The following TANC2 variants were observed in gnomAD, a reference collection of about 807,000 sequenced individuals.
TANC2 encodes the protein protein TANC2.
TANC2 carries 26 observed loss-of-function variants against 210.5 expected under a neutral mutation model. The ratio of observed to expected loss-of-function variants is 0.12; its 90% CI spans 0.09 to 0.17. The LOEUF is 0.17. Ranked by LOEUF, TANC2 falls within the 10% of genes least tolerant of loss-of-function variation. The pLI, the probability that TANC2 is intolerant of heterozygous loss-of-function variation, is 1.00. For synonymous variants in TANC2, 931 were observed against 967.1 expected (o/e 0.96, Z 0.69); for missense variants, 2,129 against 2,608.9 (o/e 0.82, Z 4.01).
Position 63,114,554 on chromosome 17 carries a change from T to C in TANC2, c.322+15197T>C, listed in dbSNP as rs183026447. ...TTGCTAGGAAAGACACAACCCCGCG[T>C]AGAAAGTTGGCCAAAGCTTGAATTG... is the stretch of plus-strand genomic sequence containing the variant. On this transcript the variant is annotated intron_variant, in intron 4 of 27. Transcript: ENST00000689528. 2.1e-3 allele frequency among the ~76,000 whole-genome samples: 324 copies of C among 152,310 alleles called. 1 individual carries two copies. Among genetic ancestry groups the C allele is most frequent in the African/African-American group, 7.0e-3 (291 of 41,560 alleles).
chr17:63,024,506 T>G (rs182282004), intron 2 of TANC2, among the ~76,000 whole-genome samples: 194 of 152,310 alleles, frequency 1.3e-3, no homozygotes, highest in African/African-American at 4.5e-3. Flanking sequence ...CCCTGTTTTG[T>G]CAGCATGGTC....
intron 9 of TANC2, among the ~76,000 whole-genome samples, chr17:63,272,763 T>G (rs1222663859): frequency 6.6e-6 from 1 of 152,146 alleles, no homozygotes; most frequent in Non-Finnish European, 1.5e-5. Context: ...TGGTAGTTAA[T>G]GCTTATATAC....
intron 5 of TANC2, chr17:63,154,859 C>G (rs970811371): frequency 3.3e-5 from 5 of 152,042 alleles, no homozygotes; most frequent in Non-Finnish European, 7.4e-5. Flanking sequence ...ATTCCACAGT[C>G]TCCTGTCACA....
intron 4 of TANC2, among the ~76,000 whole-genome samples, chr17:63,125,890 G>A (rs992007782): frequency 3.9e-5 from 6 of 152,134 alleles, no homozygotes; most frequent in Non-Finnish European, 5.9e-5. Flanking sequence ...ATAATGTAGC[G>A]TAAGCTTATC....
intron 14 of TANC2, among the ~76,000 whole-genome samples, chr17:63,355,997 A>C (rs1020811085): frequency 6.6e-6 from 1 of 152,166 alleles, no homozygotes; most frequent in Non-Finnish European, 1.5e-5. Flanking sequence ...TGCTGGATCA[A>C]CTTGCACAAA....
At chr17:63,288,393 A>G (rs1426220131) in intron 9 of TANC2, among the ~76,000 whole-genome samples, 1 of 152,244 alleles carries the variant, frequency 6.6e-6, no homozygotes, top group Non-Finnish European at 1.5e-5. Flanking sequence ...CAGATATTAT[A>G]TGCTTTCTAT....
intron 2 of TANC2, among the ~76,000 whole-genome samples, chr17:63,021,660 T>A (rs1432313177): frequency 6.6e-6 from 1 of 152,214 alleles, no homozygotes; most frequent in Non-Finnish European, 1.5e-5. Context: ...ACAAAATTGG[T>A]ACTGAGAGAG....
At position 63,325,986 on chromosome 17, in the gene TANC2, C is replaced by T. The variant is rs191887106; in HGVS notation, c.1575+6896C>T. Among the ~76,000 whole-genome samples, 294 of 152,312 alleles carry T rather than the reference C, an allele frequency of 1.9e-3. 1 individual carries two copies. Among genetic ancestry groups the T allele is most frequent in the Admixed American group, 5.8e-3 (88 of 15,298 alleles). ...AATTTGTATTTGTTATCGGCCCTAA[C>T]CTCCTTTGGCTCAAGTAATCAGTAA... On this transcript the variant is annotated intron_variant, in intron 11 of 27. Coordinates refer to ENST00000689528, the Ensembl canonical transcript of TANC2.
chr17:63,184,629 A>G (rs957716653), intron 5 of TANC2, among the ~76,000 whole-genome samples: 3 of 151,932 alleles, frequency 2.0e-5, no homozygotes, highest in South Asian at 4.2e-4. Flanking sequence ...TGAACTTTAT[A>G]TAAATAAAAT....
chr17:63,415,513 T>G lies in TANC2; in HGVS notation c.4021-15T>G, dbSNP rs906633137. ...CAGACCAACTGTGTGTTTCGCCATC[T>G]TGTGCTCCCATTAGAAAGGTAAAGT... On this transcript the variant is annotated splice_polypyrimidine_tract_variant and intron_variant, in intron 25 of 27. Transcript: ENST00000689528. 6.2e-7 allele frequency: 1 copy of G among 1,612,772 alleles called. No homozygotes were observed. The highest frequency in any genetic ancestry group is 8.5e-7 in the Non-Finnish European group (1 of 1,179,448).
At chr17:63,223,610 G>A (rs2042252081) in intron 7 of TANC2, among the ~76,000 whole-genome samples, 1 of 151,720 alleles carries the variant, frequency 6.6e-6, no homozygotes, top group African/African-American at 2.4e-5. Flanking sequence ...ATATTTAAGG[G>A]ACAGAGTGTT....
chr17:63,059,411 C>G (rs573191997), intron 2 of TANC2, among the ~76,000 whole-genome samples: 1 of 152,286 alleles, frequency 6.6e-6, no homozygotes, highest in Admixed American at 6.5e-5. Flanking sequence ...CCTATCATCA[C>G]TTGTTTTTAC....
chr17:62,968,240 A>T (rs1345967799), intron 1 of TANC2, among the ~76,000 whole-genome samples: 1 of 152,218 alleles, frequency 6.6e-6, no homozygotes, highest in African/African-American at 2.4e-5. Context: ...AGAAATATGG[A>T]AATGTGTTCG....
At chr17:63,183,251 G>A (rs778185437) in intron 5 of TANC2, among the ~76,000 whole-genome samples, 17 of 152,222 alleles carry the variant, frequency 1.1e-4, no homozygotes, top group Non-Finnish European at 2.5e-4. Flanking sequence ...GTCAAGTGAC[G>A]TTAACATTGC....
intron 7 of TANC2, among the ~76,000 whole-genome samples, chr17:63,206,051 C>T (rs534737132): frequency 1.1e-4 from 16 of 152,256 alleles, no homozygotes; most frequent in Middle Eastern, 3.4e-3. Context: ...CTTACATAGA[C>T]GTTTCTCCAG....
intron 8 of TANC2, among the ~76,000 whole-genome samples, chr17:63,257,434 T>C (rs915106427): frequency 4.6e-5 from 7 of 152,170 alleles, no homozygotes; most frequent in African/African-American, 1.7e-4. Flanking sequence ...CTTAGCTCAC[T>C]GCAACCCCCA....
intron 3 of TANC2, among the ~76,000 whole-genome samples, chr17:63,078,171 A>T (rs2036638024): frequency 6.6e-6 from 1 of 152,116 alleles, no homozygotes; most frequent in Non-Finnish European, 1.5e-5. Context: ...AAGGTTTTTA[A>T]ATGTGAATTC....
chr17:63,111,864 T>G (rs1465071839), intron 4 of TANC2, among the ~76,000 whole-genome samples: 1 of 152,120 alleles, frequency 6.6e-6, no homozygotes. Context: ...TAGCTGGGAT[T>G]ACAGGCGTGC....
intron 3 of TANC2, 118 bp downstream of exon 3, chr17:63,074,132 C>T (rs2036494533): frequency 1.6e-6 from 1 of 625,012 alleles, no homozygotes. Context: ...TCTAGTTTCT[C>T]ATTTAGGATT....
Sources: gnomAD v4.1 joint callset for allele counts (sites outside exome capture counted in the v4.1 genomes callset) on GRCh38, gnomAD v4.1.1 for gene constraint, MANE v1.5 for transcripts, NCBI Gene and HGNC (gene_info 2026-07-23, HGNC 2026-07-21) for gene names.